Variants in UBE3C observed in about 807,000 individuals in gnomAD.
The protein encoded by UBE3C is ubiquitin-protein ligase E3C.
A neutral mutation model predicts 129.4 loss-of-function variants in UBE3C; 42 were observed. The ratio of observed to expected loss-of-function variants is 0.32; its 90% CI spans 0.25 to 0.42. The LOEUF is 0.42. Among genes scored for constraint, UBE3C ranks in the 10% least tolerant of loss-of-function variants. UBE3C has a pLI of 1.00. For missense variants in UBE3C, 1,049 were observed against 1,319.1 expected (o/e 0.80, Z 3.17); for synonymous variants, 510 against 492.4 (o/e 1.04, Z -0.47).
At chr7:157,197,790 A>G (rs996335912) in intron 10 of UBE3C, 9 of 1,613,108 alleles carry the variant, frequency 5.6e-6, no homozygotes, top group Non-Finnish European at 6.8e-6. Context: ...TCTTTGTATC[A>G]AACGACTCCC....
chr7:157,226,273 G>GA (rs1398915588), intron 17 of UBE3C, among the ~76,000 whole-genome samples: 1 of 152,186 alleles, frequency 6.6e-6, no homozygotes, highest in Non-Finnish European at 1.5e-5. Flanking sequence ...GTGCTCCAAT[G>GA]ACACTGCCGT....
chr7:157,257,887 CTGTA>C (rs1478349312), intron 22 of UBE3C, among the ~76,000 whole-genome samples: 2 of 150,136 alleles, frequency 1.3e-5, no homozygotes, highest in African/African-American at 4.9e-5. Context: ...TAGATAAGTA[CTGTA>C]TGTGATTTGT....
chr7:157,193,661 CTTT>C (rs35221804), intron 10 of UBE3C, among the ~76,000 whole-genome samples: 23 of 140,698 alleles, frequency 1.6e-4, no homozygotes, highest in Admixed American at 2.1e-4. Context: ...AGAAATTTGT[CTTT>C]TTTTTTTTTT....
intron 17 of UBE3C, among the ~76,000 whole-genome samples, chr7:157,229,682 C>T (rs1795970576): frequency 6.6e-6 from 1 of 151,938 alleles, no homozygotes; most frequent in Non-Finnish European, 1.5e-5. Flanking sequence ...GGCTGGAGTG[C>T]AGTGGTGCAA....
chr7:157,248,671 C>A (rs1373070243), intron 19 of UBE3C, 91 bp downstream of exon 19: 5 of 1,362,946 alleles, frequency 3.7e-6, no homozygotes, highest in Non-Finnish European at 5.1e-6. Context: ...CAGCGTTTGA[C>A]TTCCGCACAT....
intron 13 of UBE3C, 111 bp downstream of exon 13, chr7:157,208,046 T>C (rs945405217): frequency 4.1e-6 from 2 of 485,492 alleles, no homozygotes; most frequent in Non-Finnish European, 6.7e-6. Context: ...CATGTTTTAA[T>C]TTGCAAGACT....
chr7:157,245,542 G>A lies in UBE3C; in HGVS notation c.2482-2826G>A, dbSNP rs575832656. On this transcript the variant is annotated intron_variant, in intron 18 of 22. Transcript: ENST00000348165. ...CACAACTTTCTTTACATTATCAGGA[G>A]ATGATGACTATGTGCCTGTTGCCAT... Among the ~76,000 whole-genome samples, 3 of 152,338 alleles carry A rather than the reference G, an allele frequency of 2.0e-5. No individual in the cohort carries two copies. The East Asian group carries it at 5.8e-4, about 29-fold the overall frequency.
chr7:157,154,028 A>G (rs1807834726), intron 1 of UBE3C, among the ~76,000 whole-genome samples: 1 of 151,396 alleles, frequency 6.6e-6, no homozygotes, highest in African/African-American at 2.4e-5. Context: ...TCTGTTTAAA[A>G]AAAATGATAG....
At chr7:157,140,903 G>A (rs950204687) in intron 1 of UBE3C, among the ~76,000 whole-genome samples, 2 of 152,212 alleles carry the variant, frequency 1.3e-5, no homozygotes, top group African/African-American at 4.8e-5. Context: ...ATACAGTCAG[G>A]TTCACAAACA....
chr7:157,217,212 T>A (rs961031206), intron 14 of UBE3C: 3 of 348,738 alleles, frequency 8.6e-6, no homozygotes, highest in Non-Finnish European at 1.6e-5. Context: ...AACCTGAGAT[T>A]ATATTAAAGC....
intron 22 of UBE3C, among the ~76,000 whole-genome samples, chr7:157,257,560 C>A (rs1333081652): frequency 1.3e-5 from 2 of 151,768 alleles, no homozygotes; most frequent in Admixed American, 6.6e-5. Flanking sequence ...CATGATGAAA[C>A]CCTGTCTTTG....
At chr7:157,205,743 G>T (rs1229351163) in intron 11 of UBE3C, among the ~76,000 whole-genome samples, 1 of 152,200 alleles carries the variant, frequency 6.6e-6, no homozygotes, top group Admixed American at 6.5e-5. Context: ...TATCACAACT[G>T]CAAACATGGA....
rs889915485 is a variant in UBE3C at position 157,192,679 on chromosome 7, A to G, written c.1331+5658A>G. The G allele has an allele frequency of 6.5e-6, 5 of 773,264 alleles. No homozygotes were observed. In the African/African-American group the frequency reaches 8.5e-5, roughly 13 times the overall value. The allele number at this position is 773,264 out of a possible 1,614,324, so 47.9% of individuals were successfully genotyped here. On this transcript the variant is annotated intron_variant, in intron 10 of 22. Coordinates refer to ENST00000348165, the MANE Select transcript of UBE3C (RefSeq NM_014671.3). ...GGGAAGCTGGCTGTCCTGAAGTATT[A>G]GAAGGTGGATGAGAATGACAAAATG...
At chr7:157,191,352 C>G (rs376798215) in intron 10 of UBE3C, among the ~76,000 whole-genome samples, 7 of 152,230 alleles carry the variant, frequency 4.6e-5, no homozygotes, top group East Asian at 1.9e-4. Flanking sequence ...AGTGCCGTGG[C>G]GTGATCTCAG....
intron 1 of UBE3C, among the ~76,000 whole-genome samples, chr7:157,153,997 G>GA (rs958986205): frequency 6.6e-6 from 1 of 151,016 alleles, no homozygotes; most frequent in African/African-American, 2.4e-5. Context: ...GCCCTGTCTG[G>GA]GGGGGGAAAA....
At position 157,171,686 on chromosome 7, in the gene UBE3C, ATTTTTTTTTTTTT is replaced by A. The variant is rs77471740; in HGVS notation, c.342+1262_342+1274del. Among the ~76,000 whole-genome samples the A allele has an allele frequency of 8.6e-3, 321 of 37,496 alleles. 2 individuals carry two copies. Among genetic ancestry groups the A allele is most frequent in the Middle Eastern group, 0.019 (1 of 54 alleles). The allele number at this position is 37,496 out of a possible 152,430, so 24.6% of individuals were successfully genotyped here. On this transcript the variant is annotated intron_variant, in intron 4 of 22. Transcript: ENST00000348165. ...TATATATATATATATATATATATAT[ATTTTTTTTTTTTT>A]TTTTTTTTTTTTTTTTTTTTTTTTT... is the stretch of plus-strand genomic sequence containing the variant.
Position 157,183,909 on chromosome 7 carries a change from T to C in UBE3C, c.1023T>C (p.Tyr341=), listed in dbSNP as rs771711166. The C allele has an allele frequency of 6.2e-7, 1 of 1,614,150 alleles. No individual in the cohort carries two copies. The highest frequency in any genetic ancestry group is 1.1e-5 in the South Asian group (1 of 91,076). The change falls in exon 9 of 23, where the codon TAT becomes TAC. Residue 341 remains tyrosine (Y), a synonymous_variant. Coordinates refer to ENST00000348165, the MANE Select transcript of UBE3C (RefSeq NM_014671.3). ...TCTCTGAGGAAGGGCTGCTGGTGTA[T>C]TTGCGGGTGCTGCAGACCTTCCTCT... The part of the protein sequence containing the change: ...GALSEEGLLV[Y]LRVLQTFLSQ...
intron 5 of UBE3C, among the ~76,000 whole-genome samples, chr7:157,176,422 G>A (rs926517440): frequency 5.3e-5 from 8 of 152,248 alleles, no homozygotes; most frequent in Admixed American, 1.3e-4. Context: ...CCACAGGCAC[G>A]TGCCACCACG....
At position 157,258,109 on chromosome 7, in the gene UBE3C, G is replaced by T. The variant is rs556066675; in HGVS notation, c.3081+1065G>T. 5.3e-5 allele frequency among the ~76,000 whole-genome samples: 8 copies of T among 151,902 alleles called. No individual in the cohort carries two copies. The East Asian group carries it at 1.6e-3, about 30-fold the overall frequency. ...ACTACAGGCATGTACCACCATGCCT[G>T]GCTGACATTTTGATTTTTTGTAGAG... On this transcript the variant is annotated intron_variant, in intron 22 of 22. Coordinates refer to ENST00000348165, the MANE Select transcript of UBE3C (RefSeq NM_014671.3).
Sources: gnomAD v4.1 joint callset for allele counts (sites outside exome capture counted in the v4.1 genomes callset) on GRCh38, gnomAD v4.1.1 for gene constraint, MANE v1.5 for transcripts, NCBI Gene and HGNC (gene_info 2026-07-23, HGNC 2026-07-21) for gene names.